CCDC175: variants seen among roughly 807,000 people sequenced by gnomAD.
CCDC175 encodes coiled-coil domain containing 175, also known as coiled-coil domain-containing protein 175.
A neutral mutation model predicts 114.6 loss-of-function variants in CCDC175; 100 were observed. The observed-to-expected ratio is 0.87, with a 90% confidence interval of 0.74 to 1.03. The LOEUF (loss-of-function observed/expected upper bound fraction) is 1.03. CCDC175 is among the 50% of genes least tolerant of loss of function. CCDC175 has a pLI of 0.00. For synonymous variants in CCDC175, 306 were observed against 308.7 expected, an observed-to-expected ratio of 0.99 and a Z score of 0.09; for missense variants, 880 against 917.8, an observed-to-expected ratio of 0.96 and a Z score of 0.53.
At chr14:59,567,343 T>C (rs1896614727) in intron 4 of CCDC175, among the ~76,000 whole-genome samples, 1 of 152,182 alleles carries the variant, frequency 6.6e-6, no homozygotes, top group South Asian at 2.1e-4. Flanking sequence ...TCTGAGAGCC[T>C]GGTTTGGGAT....
intron 11 of CCDC175, 127 bp downstream of exon 11, chr14:59,540,548 T>C (rs1463740045): frequency 9.3e-7 from 1 of 1,071,800 alleles, no homozygotes; most frequent in Non-Finnish European, 1.3e-6. Flanking sequence ...AATTTACACA[T>C]AATTTAGGAA....
At chr14:59,553,191 A>C (rs565564023) in intron 7 of CCDC175, among the ~76,000 whole-genome samples, 1 of 152,334 alleles carries the variant, frequency 6.6e-6, no homozygotes, top group East Asian at 1.9e-4. Flanking sequence ...AATGAAGGAA[A>C]AAATGTTAAG....
chr14:59,531,979 T>A (rs1894099180), intron 13 of CCDC175, 69 bp from the exon 14 acceptor site: 1 of 791,308 alleles, frequency 1.3e-6, no homozygotes. Flanking sequence ...TAAAGTAGAA[T>A]ATAAGTTTTT....
chr14:59,539,593 G>T (rs1302954691), intron 11 of CCDC175, among the ~76,000 whole-genome samples: 1 of 150,100 alleles, frequency 6.7e-6, no homozygotes, highest in Non-Finnish European at 1.5e-5. Flanking sequence ...AAAAAAAAGT[G>T]CAATTAGAGT....
At chr14:59,523,007 A>T (rs1361204297) in intron 16 of CCDC175, among the ~76,000 whole-genome samples, 1 of 152,210 alleles carries the variant, frequency 6.6e-6, no homozygotes, top group Non-Finnish European at 1.5e-5. Flanking sequence ...GTGGTGAGTG[A>T]ATAAGAAAAC....
chr14:59,569,680 T>C (rs974355153), intron 3 of CCDC175, among the ~76,000 whole-genome samples: 2 of 152,216 alleles, frequency 1.3e-5, no homozygotes, highest in Non-Finnish European at 2.9e-5. Flanking sequence ...GTATAGTTTG[T>C]TGTATTTTCC....
intron 3 of CCDC175, among the ~76,000 whole-genome samples, chr14:59,569,923 G>A (rs963312516): frequency 2.0e-5 from 3 of 152,090 alleles, no homozygotes; most frequent in Non-Finnish European, 2.9e-5. Flanking sequence ...GCTGAGATAC[G>A]GTGCTCAAGG....
At chr14:59,525,964 G>A (rs1359622360) in intron 15 of CCDC175, among the ~76,000 whole-genome samples, 1 of 152,060 alleles carries the variant, frequency 6.6e-6, no homozygotes, top group Non-Finnish European at 1.5e-5. Context: ...GTTGGTCCTG[G>A]AACCAATCCC....
chr14:59,561,013 CAAATT>C (rs527348193), intron 7 of CCDC175, 101 bp downstream of exon 7: 609 of 541,100 alleles, frequency 1.1e-3, no homozygotes, highest in African/African-American at 0.01. Context: ...ATTTTCATGT[CAAATT>C]AAAGACATGT....
In CCDC175 at chr14:59,545,255, T is replaced by A. The variant is rs1895033792; in HGVS notation, c.1080A>T (p.Leu360=). The A allele has an allele frequency of 6.5e-6, 10 of 1,536,870 alleles. No individual in the cohort carries two copies. The highest frequency in any genetic ancestry group is 8.7e-6 in the Non-Finnish European group (10 of 1,146,756). The change falls in exon 9 of 20, where the codon CTA becomes CTT. Residue 360 remains leucine (L), a synonymous_variant. Transcript: ENST00000537690. ...TGGCAAGAGTTTTCATTTTCTCTCG[T>A]AGGTCTTTGTATTCCATACGAGCAG... The part of the protein sequence containing the change: ...LHAARMEYKD[L]REKMKTLARQ...
chr14:59,532,644 C>T (rs1894137192), intron 13 of CCDC175, among the ~76,000 whole-genome samples: 1 of 152,164 alleles, frequency 6.6e-6, no homozygotes, highest in Admixed American at 6.5e-5. Context: ...TGTGCCACTT[C>T]TGGGCTCTGC....
At chr14:59,560,096 T>C (rs1170945757) in intron 7 of CCDC175, among the ~76,000 whole-genome samples, 1 of 152,080 alleles carries the variant, frequency 6.6e-6, no homozygotes, top group African/African-American at 2.4e-5. Flanking sequence ...GTTTTAGTTG[T>C]GGTATTAATT....
chr14:59,558,268 G>C (rs1359530081), intron 7 of CCDC175, among the ~76,000 whole-genome samples: 3 of 152,140 alleles, frequency 2.0e-5, no homozygotes, highest in Admixed American at 6.6e-5. Flanking sequence ...TTATTCTGAA[G>C]GGAACAGGGG....
chr14:59,515,144 C>G (rs1367999261), intron 17 of CCDC175, among the ~76,000 whole-genome samples: 2 of 152,082 alleles, frequency 1.3e-5, no homozygotes, highest in African/African-American at 2.4e-5. Context: ...CCAGGCCTGC[C>G]CTACAAGAGC....
At chr14:59,541,472 A>C (rs1043599653) in intron 10 of CCDC175, among the ~76,000 whole-genome samples, 1 of 152,206 alleles carries the variant, frequency 6.6e-6, no homozygotes, top group Non-Finnish European at 1.5e-5. Context: ...ATGCTGCTTT[A>C]TATCTTTTGA....
intron 13 of CCDC175, among the ~76,000 whole-genome samples, chr14:59,535,246 G>T (rs999460800): frequency 3.3e-5 from 5 of 152,166 alleles, no homozygotes; most frequent in Admixed American, 6.5e-5. Flanking sequence ...CCTGCAGTGG[G>T]CACACAGCCT....
chr14:59,526,776 T>C (rs1258123756), intron 15 of CCDC175, among the ~76,000 whole-genome samples: 1 of 152,186 alleles, frequency 6.6e-6, no homozygotes, highest in Non-Finnish European at 1.5e-5. Flanking sequence ...AACTTATAAA[T>C]AAGAAAACCG....
chr14:59,515,316 A>G (rs1024135279), intron 17 of CCDC175, among the ~76,000 whole-genome samples: 1 of 152,208 alleles, frequency 6.6e-6, no homozygotes, highest in African/African-American at 2.4e-5. Flanking sequence ...ACACATAACA[A>G]TATTAGCCTT....
chr14:59,564,132 T>C (rs1469855404), intron 5 of CCDC175, among the ~76,000 whole-genome samples: 1 of 152,226 alleles, frequency 6.6e-6, no homozygotes, highest in Non-Finnish European at 1.5e-5. Context: ...TGTTAATAAC[T>C]AATTATAAAA....
Sources: allele counts gnomAD v4.1 joint callset (sites outside exome capture counted in the v4.1 genomes callset), GRCh38; gene constraint gnomAD v4.1.1; transcripts MANE v1.5; gene names NCBI Gene and HGNC (gene_info 2026-07-23, HGNC 2026-07-21).